UBE2G2: variants seen among roughly 807,000 people sequenced by gnomAD.
UBE2G2 encodes ubiquitin-conjugating enzyme E2 G2.
Under a neutral mutation model 23.0 loss-of-function variants are expected in UBE2G2, and 10 were observed. That is an observed-to-expected ratio of 0.43 (90% CI 0.27 to 0.74). The LOEUF is 0.74. Among genes scored for constraint, UBE2G2 ranks in the 30% least tolerant of loss-of-function variants. The pLI is 0.19. For missense variants in UBE2G2, 150 were observed against 218.3 expected (o/e 0.69, Z 1.97); for synonymous variants, 86 against 81.3 (o/e 1.06, Z -0.31).
rs1287196406 is a variant in UBE2G2 at position 44,768,723 on chromosome 21, A to G, written c.*2654T>C. On this transcript the variant is annotated 3_prime_UTR_variant, in exon 6 of 6. Transcript: ENST00000345496. ...TGCTTCTAAGCAACTGCAGGAGGGA[A>G]GCGCAGTCGGAACAGCCTGCTGGCT... is the stretch of plus-strand genomic sequence containing the variant. 1 of 152,382 alleles carries G rather than the reference A, an allele frequency of 6.6e-6. No individual in the cohort carries two copies. Among genetic ancestry groups the G allele is most frequent in the East Asian group, 1.9e-4 (1 of 5,192 alleles). 9.4% of individuals were successfully genotyped at this position (152,382 alleles called of 1,614,324 possible). A position where few individuals can be genotyped will look rare whatever the true frequency, so the allele number is the denominator to read the frequency against.
chr21:44,776,125 G>A (rs180975774), intron 4 of UBE2G2, among the ~76,000 whole-genome samples: 8 of 152,200 alleles, frequency 5.3e-5, no homozygotes, highest in Admixed American at 2.6e-4. Flanking sequence ...GCCGGGGGTG[G>A]GGGGGTAGTC....
intron 4 of UBE2G2, among the ~76,000 whole-genome samples, chr21:44,776,118 G>A (rs2082911685): frequency 2.6e-5 from 4 of 152,058 alleles, no homozygotes; most frequent in Admixed American, 6.6e-5. Flanking sequence ...TGAAGTGGCC[G>A]GGGGTGGGGG....
chr21:44,774,858 G>A, intron 4 of UBE2G2: 2 of 383,964 alleles, frequency 5.2e-6, no homozygotes, highest in South Asian at 1.9e-5. Flanking sequence ...CTGTGTCCCT[G>A]CCACAGCCCC....
chr21:44,789,027 A>G (rs1555962552), intron 1 of UBE2G2, among the ~76,000 whole-genome samples: 1 of 152,148 alleles, frequency 6.6e-6, no homozygotes, highest in Non-Finnish European at 1.5e-5. Context: ...GCATATATAT[A>G]TCTTTCTAAA....
At chr21:44,786,001 C>T (rs1453862940) in intron 3 of UBE2G2, among the ~76,000 whole-genome samples, 5 of 152,188 alleles carry the variant, frequency 3.3e-5, no homozygotes, top group Admixed American at 6.5e-5. Flanking sequence ...TAACAATGAA[C>T]ATTTTTTTAA....
In UBE2G2 at chr21:44,768,734, A is replaced by C. The variant is rs185664467; in HGVS notation, c.*2643T>G. On this transcript the variant is annotated 3_prime_UTR_variant, in exon 6 of 6. Coordinates refer to ENST00000345496, the MANE Select transcript of UBE2G2 (RefSeq NM_003343.6). ...AACTGCAGGAGGGAAGCGCAGTCGG[A>C]ACAGCCTGCTGGCTTCTAGTGGTCA... The C allele has an allele frequency of 2.0e-5, 3 of 152,386 alleles. No homozygotes were observed. The highest frequency in any genetic ancestry group is 7.2e-5 in the African/African-American group (3 of 41,588). 9.4% of individuals were successfully genotyped at this position (152,386 alleles called of 1,614,324 possible).
At chr21:44,786,170 C>T (rs1358775540) in intron 3 of UBE2G2, among the ~76,000 whole-genome samples, 4 of 151,866 alleles carry the variant, frequency 2.6e-5, no homozygotes, top group Admixed American at 6.6e-5. Flanking sequence ...AGGCGTGCTG[C>T]CCCGCTGGCA....
Position 44,773,576 on chromosome 21 carries a change from A to C in UBE2G2, c.356T>G (p.Ile119Ser). The C allele has an allele frequency of 6.2e-7, 1 of 1,610,754 alleles. No homozygotes were observed. Among genetic ancestry groups the C allele is most frequent in the Non-Finnish European group, 8.5e-7 (1 of 1,179,914 alleles). Residue 119 changes from isoleucine to serine, a missense_variant, in exon 5 of 6, where the codon ATC becomes AGC. Ile to Ser is a moderately radical substitution (Grantham distance 142). Coordinates refer to ENST00000345496, the MANE Select transcript of UBE2G2 (RefSeq NM_003343.6). ...CAGCATGCTCACCACCGACAGCAGG[A>C]TCTTCTCCACACTCTGCACAGGACT... is the stretch of plus-strand genomic sequence containing the variant. ...RWSPVQSVEK[I>S]LLSVVSMLAE... is the part of the protein sequence containing the mutation.
intron 3 of UBE2G2, among the ~76,000 whole-genome samples, chr21:44,780,982 G>A (rs1555961272): frequency 6.6e-6 from 1 of 152,264 alleles, no homozygotes. Flanking sequence ...GGCAAGCGGT[G>A]TTCCAGGAAC....
At position 44,770,165 on chromosome 21, in the gene UBE2G2, G is replaced by A. The variant is rs1198540551; in HGVS notation, c.*1212C>T. On this transcript the variant is annotated 3_prime_UTR_variant, in exon 6 of 6. Transcript: ENST00000345496. ...GCTAAGATATGGTAGAGTCCCTTCTGAATTTTGAGTTGCAAAGAATGATTT... is the reference window on the plus strand; with the variant it reads ...GCTAAGATATGGTAGAGTCCCTTCTAAATTTTGAGTTGCAAAGAATGATTT... The A allele has an allele frequency of 1.3e-5, 2 of 152,112 alleles. No homozygotes were observed. The highest frequency in any genetic ancestry group is 2.9e-5 in the Non-Finnish European group (2 of 68,036). The allele number at this position is 152,112 out of a possible 1,614,324, so 9.4% of individuals were successfully genotyped here. A position where few individuals can be genotyped will look rare whatever the true frequency, so the allele number is the denominator to read the frequency against.
rs540702683 is a variant in UBE2G2 at position 44,772,998 on chromosome 21, C to T, written c.385+549G>A. Among the ~76,000 whole-genome samples, 17 of 152,342 alleles carry T rather than the reference C, an allele frequency of 1.1e-4. 1 individual carries two copies. In the South Asian group the frequency reaches 3.3e-3, roughly 30 times the overall value. On this transcript the variant is annotated intron_variant, in intron 5 of 5. Coordinates refer to ENST00000345496, the MANE Select transcript of UBE2G2 (RefSeq NM_003343.6). The surrounding 1 kb of genome is among the most constrained non-coding windows in gnomAD (Gnocchi z 5.4). ...GGCAGTGCCCCCATCAAGTCAGCCA[C>T]CTCCTGCCTCTGGGCCTCAGCCCAG... is the stretch of plus-strand genomic sequence containing the variant.
At chr21:44,783,143 T>C (rs1364373282) in intron 3 of UBE2G2, among the ~76,000 whole-genome samples, 1 of 152,212 alleles carries the variant, frequency 6.6e-6, no homozygotes, top group Non-Finnish European at 1.5e-5. Context: ...AGAAGATACA[T>C]GAACGGCCAA....
chr21:44,796,626 G>GTAAA (rs2083091796), intron 1 of UBE2G2, among the ~76,000 whole-genome samples: 2 of 152,182 alleles, frequency 1.3e-5, no homozygotes, highest in Admixed American at 1.3e-4. Flanking sequence ...TTCATCTTCT[G>GTAAA]TCACTGCTGT....
chr21:44,790,809 G>A (rs2083037187), intron 1 of UBE2G2, among the ~76,000 whole-genome samples: 1 of 152,170 alleles, frequency 6.6e-6, no homozygotes, highest in South Asian at 2.1e-4. Flanking sequence ...TTGGTACCAG[G>A]GGTACTGCTA....
chr21:44,801,600 C>T, intron 1 of UBE2G2, 106 bp downstream of exon 1: 2 of 1,377,882 alleles, frequency 1.5e-6, no homozygotes, highest in East Asian at 3.1e-5. Context: ...GTGGAGGCCC[C>T]GGGCCCGGCT....
Position 44,772,020 on chromosome 21 carries a change from A to T in UBE2G2, c.386-531T>A, listed in dbSNP as rs1385459054. 6.6e-6 allele frequency among the ~76,000 whole-genome samples: 1 copy of T among 152,224 alleles called. No individual in the cohort carries two copies. Among genetic ancestry groups the T allele is most frequent in the Non-Finnish European group, 1.5e-5 (1 of 68,034 alleles). ...CCTGACCCACCCCCTAGCCAGCGGC[A>T]CTGGCAGTCACTGCAGAACTGCAGT... On this transcript the variant is annotated intron_variant, in intron 5 of 5. Coordinates refer to ENST00000345496, the MANE Select transcript of UBE2G2 (RefSeq NM_003343.6). This position sits in a 1 kb window ranked among gnomAD's most constrained non-coding sequence, Gnocchi z 5.4.
intron 1 of UBE2G2, among the ~76,000 whole-genome samples, chr21:44,788,521 C>A (rs1395774606): frequency 1.3e-5 from 2 of 152,066 alleles, no homozygotes; most frequent in Admixed American, 6.5e-5. Flanking sequence ...GATCTCCTGA[C>A]CTCGTGATCC....
chr21:44,778,049 C>G, intron 3 of UBE2G2, among the ~76,000 whole-genome samples: 1 of 152,118 alleles, frequency 6.6e-6, no homozygotes, highest in Non-Finnish European at 1.5e-5. Flanking sequence ...GAACTAATGT[C>G]AATGCTCTAA....
chr21:44,771,506 C>T lies in UBE2G2; in HGVS notation c.386-17G>A. The T allele has an allele frequency of 6.2e-7, 1 of 1,607,758 alleles. No homozygotes were observed. Among genetic ancestry groups the T allele is most frequent in the Non-Finnish European group, 8.5e-7 (1 of 1,179,234 alleles). Reference sequence around the variant, plus strand: ...CATTGGGCTCTGAAAGAAAAGGGAACACCCTCCATGTAAAAGGGAGTCTTA... The same window carrying T: ...CATTGGGCTCTGAAAGAAAAGGGAATACCCTCCATGTAAAAGGGAGTCTTA... On this transcript the variant is annotated splice_polypyrimidine_tract_variant and intron_variant, in intron 5 of 5. Coordinates refer to ENST00000345496, the MANE Select transcript of UBE2G2 (RefSeq NM_003343.6). The surrounding 1 kb of genome is among the most constrained non-coding windows in gnomAD (Gnocchi z 4.6).
Sources: allele counts gnomAD v4.1 joint callset (sites outside exome capture counted in the v4.1 genomes callset), GRCh38; gene constraint gnomAD v4.1.1; non-coding constraint Gnocchi (gnomAD v3.1); transcripts MANE v1.5; gene names NCBI Gene and HGNC (gene_info 2026-07-23, HGNC 2026-07-21).